PIAS2: variants seen among roughly 807,000 people sequenced by gnomAD.
The protein encoded by PIAS2 is E3 SUMO-protein ligase PIAS2.
PIAS2 carries 19 observed loss-of-function variants against 69.7 expected under a neutral mutation model. That is an observed-to-expected ratio of 0.27 (90% CI 0.19 to 0.40). PIAS2 has a LOEUF of 0.40. PIAS2 is among the 10% of genes least tolerant of loss of function. The pLI, the probability that PIAS2 is intolerant of heterozygous loss-of-function variation, is 1.00. For synonymous variants in PIAS2, 261 were observed against 263.2 expected (o/e 0.99, Z 0.08); for missense variants, 624 against 757.0 (o/e 0.82, Z 2.06).
intron 1 of PIAS2, among the ~76,000 whole-genome samples, chr18:46,897,611 T>C (rs1461608200): frequency 1.3e-5 from 2 of 152,182 alleles, no homozygotes; most frequent in Non-Finnish European, 2.9e-5. Flanking sequence ...GATTTTTGGT[T>C]TGAGTAGAAA....
intron 1 of PIAS2, among the ~76,000 whole-genome samples, chr18:46,916,197 T>C (rs542523592): frequency 6.6e-6 from 1 of 152,318 alleles, no homozygotes; most frequent in South Asian, 2.1e-4. Flanking sequence ...GGATACGTTC[T>C]TTTGCTCACG....
intron 7 of PIAS2, 61 bp from the exon 8 acceptor site, chr18:46,844,188 TATAGAA>T: frequency 1.3e-6 from 1 of 743,702 alleles, no homozygotes; most frequent in Non-Finnish European, 2.1e-6. Context: ...GAAATGGAAT[TATAGAA>T]ATATATAGCA....
In PIAS2 at chr18:46,811,603, T is replaced by C. The variant is rs1308640101; in HGVS notation, c.*830A>G. 3 of 152,180 alleles carry C rather than the reference T, an allele frequency of 2.0e-5. No individual in the cohort carries two copies. The highest frequency in any genetic ancestry group is 4.4e-5 in the Non-Finnish European group (3 of 68,034). 9.4% of individuals were successfully genotyped at this position (152,180 alleles called of 1,614,324 possible). On this transcript the variant is annotated 3_prime_UTR_variant, in exon 14 of 14. Transcript: ENST00000585916. The stretch of plus-strand genomic sequence containing the variant: ...AAAGACATTTCATTCAATGGCTGCA[T>C]AGTTTCTTTTTTGAGAAGGCAAGCC...
chr18:46,900,886 A>AT (rs998169895), intron 1 of PIAS2: 1 of 220,544 alleles, frequency 4.5e-6, no homozygotes, highest in African/African-American at 2.4e-5. Flanking sequence ...AGGCAGAAGA[A>AT]TCACCTGAAC....
At chr18:46,836,288 T>C in intron 9 of PIAS2, 69 bp downstream of exon 9, 4 of 1,151,256 alleles carry the variant, frequency 3.5e-6, no homozygotes, top group African/African-American at 1.5e-5. Context: ...CAGTAAGTTG[T>C]AGTGAACAAA....
intron 2 of PIAS2, among the ~76,000 whole-genome samples, chr18:46,868,040 T>G (rs1018786168): frequency 3.3e-5 from 5 of 152,144 alleles, no homozygotes; most frequent in Non-Finnish European, 7.3e-5. Flanking sequence ...CTGCCAAACA[T>G]ATCAGGGAAG....
rs996081292 is a variant in PIAS2 at position 46,803,295 on chromosome 18, A to C, written c.*9138T>G. 6.6e-6 allele frequency: 1 copy of C among 152,108 alleles called. No individual in the cohort carries two copies. Among genetic ancestry groups the C allele is most frequent in the African/African-American group, 2.4e-5 (1 of 41,446 alleles). The allele number at this position is 152,108 out of a possible 1,614,324, so 9.4% of individuals were successfully genotyped here. On this transcript the variant is annotated 3_prime_UTR_variant, in exon 14 of 14. Transcript: ENST00000585916. ...CTTAGATTCAATAAAATATGGTGGTATTTTAAATGAAAGTTTTTTAAAAAA... is the reference window on the plus strand; with the variant it reads ...CTTAGATTCAATAAAATATGGTGGTCTTTTAAATGAAAGTTTTTTAAAAAA...
intron 9 of PIAS2, among the ~76,000 whole-genome samples, chr18:46,831,991 A>T (rs118036342): frequency 0.022 from 3,360 of 152,376 alleles, 59 homozygotes; most frequent in Middle Eastern, 0.041. Context: ...GCTTTTTGAC[A>T]TACACTGTTA....
At chr18:46,850,607 A>C (rs1434009403) in intron 5 of PIAS2, among the ~76,000 whole-genome samples, 2 of 152,226 alleles carry the variant, frequency 1.3e-5, no homozygotes, top group Non-Finnish European at 2.9e-5. Context: ...TGCATACTTC[A>C]TATGGTGCTA....
At chr18:46,865,016 G>A (rs1187984194) in intron 2 of PIAS2, among the ~76,000 whole-genome samples, 2 of 152,064 alleles carry the variant, frequency 1.3e-5, no homozygotes, top group Non-Finnish European at 2.9e-5. Context: ...AAGTTTTGAA[G>A]ATACCTAATT....
intron 1 of PIAS2, among the ~76,000 whole-genome samples, chr18:46,895,709 T>C (rs939485015): frequency 6.6e-6 from 1 of 152,030 alleles, no homozygotes; most frequent in Non-Finnish European, 1.5e-5. Flanking sequence ...CATTTATAAG[T>C]AGGAATAAAG....
intron 12 of PIAS2, chr18:46,818,394 CAGA>C (rs973080035): frequency 6.3e-7 from 1 of 1,585,502 alleles, no homozygotes; most frequent in African/African-American, 1.4e-5. Flanking sequence ...TGCACAGTAT[CAGA>C]AGATGTTCCA....
At position 46,844,758 on chromosome 18, in the gene PIAS2, T is replaced by A. The variant is rs2045933999; in HGVS notation, c.943A>T (p.Asn315Tyr). 6.8e-7 allele frequency: 1 copy of A among 1,468,076 alleles called. No individual in the cohort carries two copies. Among genetic ancestry groups the A allele is most frequent in the Non-Finnish European group, 9.1e-7 (1 of 1,101,228 alleles). 90.9% of individuals were successfully genotyped at this position (1,468,076 alleles called of 1,614,324 possible). Residue 315 changes from asparagine to tyrosine, a missense_variant, in exon 7 of 14, where the codon AAC (asparagine) becomes TAC (tyrosine). Physicochemically the swap from Asn to Tyr is moderately radical, Grantham distance 143. This residue lies in a region of PIAS2 where 339 missense variants were observed against 408.8 expected (regional missense o/e 0.83). Transcript: ENST00000585916. ...CTTAGTGCTCTGGAATGATCAGGGT[T>A]TCTAATACCTTTCATTTTTAATCTC... is the stretch of plus-strand genomic sequence containing the variant. ...LQRLKMKGIR[N>Y]PDHSRALIKE... is the part of the protein sequence containing the mutation.
At chr18:46,852,316 A>C (rs2047085010) in intron 5 of PIAS2, among the ~76,000 whole-genome samples, 1 of 152,188 alleles carries the variant, frequency 6.6e-6, no homozygotes, top group Admixed American at 6.5e-5. Flanking sequence ...TGGGAAAGGC[A>C]GGCATTTGAT....
intron 2 of PIAS2, among the ~76,000 whole-genome samples, chr18:46,874,594 A>G (rs2050867721): frequency 6.6e-6 from 1 of 152,140 alleles, no homozygotes; most frequent in South Asian, 2.1e-4. Flanking sequence ...ATGCCTTCCC[A>G]TTGCCTTACT....
At chr18:46,904,560 G>A (rs2056334818) in intron 1 of PIAS2, among the ~76,000 whole-genome samples, 1 of 152,070 alleles carries the variant, frequency 6.6e-6, no homozygotes, top group Non-Finnish European at 1.5e-5. Flanking sequence ...AGACCAGCCT[G>A]GCCAACATGG....
Position 46,917,329 on chromosome 18 carries a change from T to A in PIAS2, c.17A>T (p.Glu6Val). MADFEELRNMVSSFRV... is the reference protein window; with the variant it reads MADFEVLRNMVSSFRV... ...CTCTCCACTCCCGCTTACCCTCAAC[T>A]CTTCGAAATCCGCCATTTTATACCA... The change falls in exon 1 of 14, where the codon GAG becomes GTG. Residue 6 changes from glutamate (E) to valine (V), a missense_variant. This residue lies in a region of PIAS2 where 339 missense variants were observed against 408.8 expected (regional missense o/e 0.83). Coordinates refer to ENST00000585916, the MANE Select transcript of PIAS2 (RefSeq NM_004671.5). 1 of 1,475,362 alleles carries A rather than the reference T, an allele frequency of 6.8e-7. No individual in the cohort carries two copies. Among genetic ancestry groups the A allele is most frequent in the South Asian group, 1.3e-5 (1 of 78,288 alleles). 91.4% of individuals were successfully genotyped at this position (1,475,362 alleles called of 1,614,324 possible). A position where few individuals can be genotyped will look rare whatever the true frequency, so the allele number is the denominator to read the frequency against.
intron 1 of PIAS2, among the ~76,000 whole-genome samples, chr18:46,892,339 A>AT (rs1372836897): frequency 6.6e-6 from 1 of 152,196 alleles, no homozygotes; most frequent in Non-Finnish European, 1.5e-5. Context: ...TGTGTACTAT[A>AT]TATGTCTCTA....
At chr18:46,906,494 C>T (rs914763825) in intron 1 of PIAS2, among the ~76,000 whole-genome samples, 1 of 152,048 alleles carries the variant, frequency 6.6e-6, no homozygotes, top group Non-Finnish European at 1.5e-5. Context: ...CAAAGTCAAA[C>T]TGTACTTCTG....
Sources: allele counts gnomAD v4.1 joint callset (sites outside exome capture counted in the v4.1 genomes callset), GRCh38; gene constraint gnomAD v4.1.1; regional missense constraint gnomAD v4.1.1; transcripts MANE v1.5; gene names NCBI Gene and HGNC (gene_info 2026-07-23, HGNC 2026-07-21).